Variants in CYB5R3 observed in about 807,000 individuals in gnomAD.
CYB5R3 encodes the protein cytochrome b5 reductase 3.
In CYB5R3, 28 loss-of-function variants were observed where a neutral mutation model predicts 36.5. The ratio of observed to expected loss-of-function variants is 0.77; its 90% confidence interval spans 0.57 to 1.05. The LOEUF (loss-of-function observed/expected upper bound fraction) is 1.05, where lower values mean the gene tolerates loss of function less well. Ranked by LOEUF, CYB5R3 falls within the 50% of genes least tolerant of loss-of-function variation. CYB5R3 has a pLI of 0.00. For missense variants in CYB5R3, 474 were observed against 408.9 expected (o/e 1.16, Z -1.37); for synonymous variants, 181 against 159.8 (o/e 1.13, Z -1.00).
intron 7 of CYB5R3, among the ~76,000 whole-genome samples, chr22:42,626,372 T>C (rs569164646): frequency 6.6e-6 from 1 of 152,052 alleles, no homozygotes; most frequent in African/African-American, 2.4e-5. Flanking sequence ...CCACGAGACA[T>C]GCACAGTCAA....
At chr22:42,636,929 G>T in intron 1 of CYB5R3, 83 bp from the exon 2 acceptor site, 1 of 1,547,108 alleles carries the variant, frequency 6.5e-7, no homozygotes, top group East Asian at 2.4e-5. Context: ...CCAGGCCTCT[G>T]CTCACGCTGC....
chr22:42,645,742 C>G (rs1242249597), intron 1 of CYB5R3, among the ~76,000 whole-genome samples: 1 of 152,144 alleles, frequency 6.6e-6, no homozygotes, highest in African/African-American at 2.4e-5. Context: ...GACTTGAGCC[C>G]GGGGACACTT....
chr22:42,640,359 T>G (rs1929189598), intron 1 of CYB5R3: 1 of 396,536 alleles, frequency 2.5e-6, no homozygotes, highest in Non-Finnish European at 3.4e-6. Flanking sequence ...ACTTATTTAT[T>G]TATTTATTTA....
intron 4 of CYB5R3, among the ~76,000 whole-genome samples, chr22:42,629,155 C>T (rs1326154121): frequency 1.3e-5 from 2 of 152,264 alleles, no homozygotes; most frequent in Non-Finnish European, 1.5e-5. Context: ...GAGACTTCAA[C>T]GTGAACAGAT....
rs147813320 is a variant in CYB5R3 at position 42,636,613 on chromosome 22, G to A, written c.153+102C>T. On this transcript the variant is annotated intron_variant, in intron 2 of 8. Coordinates refer to ENST00000352397, the MANE Select transcript of CYB5R3 (RefSeq NM_000398.7). The stretch of plus-strand genomic sequence containing the variant: ...GCTTTCTCCATCTGTAAAATGGGTG[G>A]ACAACAGTATCTACTTCAGAGCAGG... The A allele has an allele frequency of 1.2e-4, 182 of 1,528,638 alleles. No individual in the cohort carries two copies. The African/African-American group carries it at 2.3e-3, about 19-fold the overall frequency. 94.7% of individuals were successfully genotyped at this position (1,528,638 alleles called of 1,614,324 possible).
At position 42,643,360 on chromosome 22, in the gene CYB5R3, G is replaced by A. The variant is rs550351956; in HGVS notation, c.21+5935C>T. The stretch of plus-strand genomic sequence containing the variant: ...CAGGAGCTTTTCCTGCCACCCTCAC[G>A]GGGCCACTACCAACTGAGAGGAGTG... On this transcript the variant is annotated intron_variant, in intron 1 of 8. Transcript: ENST00000352397. 9.2e-5 allele frequency among the ~76,000 whole-genome samples: 14 copies of A among 152,264 alleles called. No homozygotes were observed. In the East Asian group the frequency reaches 9.6e-4, roughly 10 times the overall value.
rs145794848 is a variant in CYB5R3 at position 42,640,797 on chromosome 22, A to C, written c.22-3951T>G. The stretch of plus-strand genomic sequence containing the variant: ...CGTGAGAACAAGGATGAAGACCTTT[A>C]TGATGATCCACTTCCTCTTAATGAA... On this transcript the variant is annotated intron_variant, in intron 1 of 8. Coordinates refer to ENST00000352397, the MANE Select transcript of CYB5R3 (RefSeq NM_000398.7). Among the ~76,000 whole-genome samples, 463 of 152,276 alleles carry C rather than the reference A, an allele frequency of 3.0e-3. 1 individual carries two copies. Among genetic ancestry groups the C allele is most frequent in the African/African-American group, 0.011 (445 of 41,560 alleles).
At chr22:42,648,018 A>T (rs1023677680) in intron 1 of CYB5R3, among the ~76,000 whole-genome samples, 2 of 152,212 alleles carry the variant, frequency 1.3e-5, no homozygotes, top group Non-Finnish European at 2.9e-5. Flanking sequence ...CACAGGCAGG[A>T]CATTTCAACA....
chr22:42,637,802 C>T (rs1484111354), intron 1 of CYB5R3, among the ~76,000 whole-genome samples: 1 of 152,190 alleles, frequency 6.6e-6, no homozygotes, highest in Non-Finnish European at 1.5e-5. Flanking sequence ...AGCGACTCAC[C>T]CAGTCACACA....
At position 42,622,512 on chromosome 22, in the gene CYB5R3, G is replaced by A. The variant is rs926571901; in HGVS notation, c.733+1277C>T. Among the ~76,000 whole-genome samples, 6 of 152,256 alleles carry A rather than the reference G, an allele frequency of 3.9e-5. No homozygotes were observed. The East Asian group carries it at 7.7e-4, about 20-fold the overall frequency. ...GCAGGTCCAGCCAGAGGCCGGACAC[G>A]GTGACAACCCACACATCCACCACCC... On this transcript the variant is annotated intron_variant, in intron 8 of 8. Coordinates refer to ENST00000352397, the MANE Select transcript of CYB5R3 (RefSeq NM_000398.7).
chr22:42,624,843 T>G (rs767068817), intron 7 of CYB5R3, among the ~76,000 whole-genome samples: 11 of 152,062 alleles, frequency 7.2e-5, no homozygotes, highest in African/African-American at 1.2e-4. Flanking sequence ...CAGACGTGAC[T>G]CCTCTGTTCC....
chr22:42,644,388 A>G (rs1297273385), intron 1 of CYB5R3: 2 of 708,222 alleles, frequency 2.8e-6, no homozygotes, highest in South Asian at 3.0e-5. Flanking sequence ...CTCTGGACTC[A>G]CCTCCCAGCT....
At chr22:42,624,991 G>A (rs1472401208) in intron 7 of CYB5R3, among the ~76,000 whole-genome samples, 2 of 152,146 alleles carry the variant, frequency 1.3e-5, no homozygotes, top group Non-Finnish European at 1.5e-5. Context: ...GGGAACACGG[G>A]GTGTTGAACA....
chr22:42,636,822 C>G lies in CYB5R3; in HGVS notation c.46G>C (p.Val16Leu). 6.2e-7 allele frequency: 1 copy of G among 1,613,878 alleles called. No homozygotes were observed. Among genetic ancestry groups the G allele is most frequent in the Non-Finnish European group, 8.5e-7 (1 of 1,180,016 alleles). Residue 16 changes from valine (V) to leucine (L), a missense_variant, in exon 2 of 9, where the codon GTC (valine) becomes CTC (leucine). Transcript: ENST00000352397. ...STLGHMVLFP[V>L]WFLYSLLMKL... Reference sequence around the variant, plus strand: ...ATGAGCAGACTGTACAGGAACCAGACTGGGAAGAGCACCATATGGCCCAAC... The same window carrying G: ...ATGAGCAGACTGTACAGGAACCAGAGTGGGAAGAGCACCATATGGCCCAAC...
intron 1 of CYB5R3, among the ~76,000 whole-genome samples, chr22:42,640,882 G>A (rs1046301171): frequency 4.0e-5 from 6 of 151,190 alleles, no homozygotes; most frequent in African/African-American, 1.2e-4. Context: ...TTTTTGAGAC[G>A]GAGTCTTGCT....
intron 1 of CYB5R3, among the ~76,000 whole-genome samples, 195 bp from the exon 2 acceptor site, chr22:42,637,041 C>T (rs371675584): frequency 6.6e-6 from 1 of 152,208 alleles, no homozygotes; most frequent in African/African-American, 2.4e-5. Flanking sequence ...AGCCTCATGA[C>T]ACCTGTCACT....
chr22:42,638,941 G>T, intron 1 of CYB5R3: 1 of 324,584 alleles, frequency 3.1e-6, no homozygotes, highest in South Asian at 2.3e-5. Context: ...AACTGAGGCA[G>T]GAGAAATGCT....
Position 42,649,278 on chromosome 22 carries a change from G to GC in CYB5R3, c.21+16dup. 1.0e-6 allele frequency: 1 copy of GC among 990,608 alleles called. No individual in the cohort carries two copies. Among genetic ancestry groups the GC allele is most frequent in the Non-Finnish European group, 1.2e-6 (1 of 824,148 alleles). 61.4% of individuals were successfully genotyped at this position (990,608 alleles called of 1,614,324 possible). A position where few individuals can be genotyped will look rare whatever the true frequency, so the allele number is the denominator to read the frequency against. ...CCTCGCGACGCCCCGCGGCCCCGGC[G>GC]CCCCCTCCCCGCCTACCGTGCTGAG... On this transcript the variant is annotated intron_variant, in intron 1 of 8. Transcript: ENST00000352397.
In CYB5R3 at chr22:42,619,637, G is replaced by T. The variant is rs1360524556; in HGVS notation, c.*136C>A. ...GAAGGGGCTCCAGGGGAACTGCTCA[G>T]CCAGGTGATTCACCAGGGCACGGGC... is the stretch of plus-strand genomic sequence containing the variant. On this transcript the variant is annotated 3_prime_UTR_variant, in exon 9 of 9. Coordinates refer to ENST00000352397, the MANE Select transcript of CYB5R3 (RefSeq NM_000398.7). The T allele has an allele frequency of 2.4e-6, 2 of 817,698 alleles. No homozygotes were observed. The highest frequency in any genetic ancestry group is 1.7e-5 in the African/African-American group (1 of 58,970). 50.7% of individuals were successfully genotyped at this position (817,698 alleles called of 1,614,324 possible). A position where few individuals can be genotyped will look rare whatever the true frequency, so the allele number is the denominator to read the frequency against.
Sources: gnomAD v4.1 joint callset for allele counts (sites outside exome capture counted in the v4.1 genomes callset) on GRCh38, gnomAD v4.1.1 for gene constraint, MANE v1.5 for transcripts, NCBI Gene and HGNC (gene_info 2026-07-23, HGNC 2026-07-21) for gene names.